Variants in COL23A1 observed in about 807,000 individuals in gnomAD.
COL23A1 encodes collagen type XXIII alpha 1 chain.
A neutral mutation model predicts 99.3 loss-of-function variants in COL23A1; 97 were observed. That is an observed-to-expected ratio of 0.98 (90% CI 0.83 to 1.16). COL23A1 has a LOEUF of 1.16. Ranked by LOEUF, COL23A1 falls within the 50% of genes most tolerant of loss-of-function variation. The pLI is 0.00. For missense variants in COL23A1, 762 were observed against 757.4 expected, an observed-to-expected ratio of 1.01 and a Z score of -0.07; for synonymous variants, 320 against 308.2, an observed-to-expected ratio of 1.04 and a Z score of -0.40.
At chr5:178,546,247 G>A (rs1414593492) in intron 2 of COL23A1, among the ~76,000 whole-genome samples, 1 of 152,108 alleles carries the variant, frequency 6.6e-6, no homozygotes, top group East Asian at 1.9e-4. Context: ...TTCCCGAGGT[G>A]GGGGTATCAC....
chr5:178,355,056 CAA>C (rs57506588), intron 2 of COL23A1, among the ~76,000 whole-genome samples: 8 of 117,442 alleles, frequency 6.8e-5, no homozygotes, highest in Admixed American at 8.5e-5. Flanking sequence ...GACTTTGTCT[CAA>C]AAAAAAAAAA....
intron 2 of COL23A1, among the ~76,000 whole-genome samples, chr5:178,359,607 G>A (rs1762069551): frequency 6.6e-6 from 1 of 152,174 alleles, no homozygotes; most frequent in African/African-American, 2.4e-5. Context: ...TCCTTGTCTG[G>A]TTAAATAAAA....
In COL23A1 at chr5:178,256,393, T is replaced by A. The variant is rs1561795341; in HGVS notation, c.842A>T (p.Glu281Val). The A allele has an allele frequency of 3.1e-6, 5 of 1,605,522 alleles. No homozygotes were observed. Among genetic ancestry groups the A allele is most frequent in the Non-Finnish European group, 4.3e-6 (5 of 1,175,482 alleles). ...TCCATCCGTGCCTCGGTGGCCAGGC[T>A]CCCCCTGTGGAGACATGCATTTGCA... ...GVDGAPGPKG[E>V]PGHRGTDGAA... The change falls in exon 15 of 29, where the codon GAG becomes GTG. Residue 281 changes from glutamate to valine, a missense_variant. By Grantham distance (121) the Glu-to-Val change is moderately radical. Transcript: ENST00000390654.
intron 2 of COL23A1, among the ~76,000 whole-genome samples, chr5:178,482,444 G>A (rs1198005994): frequency 6.6e-6 from 1 of 152,172 alleles, no homozygotes; most frequent in South Asian, 2.1e-4. Context: ...AACGGGGGCG[G>A]GGCAAAGAGG....
intron 2 of COL23A1, among the ~76,000 whole-genome samples, chr5:178,338,876 C>T (rs1760500457): frequency 6.6e-6 from 1 of 152,190 alleles, no homozygotes; most frequent in African/African-American, 2.4e-5. Flanking sequence ...TACATGTAAA[C>T]CCGATGAGAC....
rs1438982098 is a variant in COL23A1 at position 178,255,321 on chromosome 5, G to A, written c.883-295C>T. On this transcript the variant is annotated intron_variant, in intron 15 of 28. Coordinates refer to ENST00000390654, the MANE Select transcript of COL23A1 (RefSeq NM_173465.4). The surrounding 1 kb of genome is among the most constrained non-coding windows in gnomAD (Gnocchi z 4.2). Reference sequence around the variant, plus strand: ...ATGGAAAGCCTGATTTTGATGTGACGCTCTTCAGATTTTTCAATGTTGGCA... The same window carrying A: ...ATGGAAAGCCTGATTTTGATGTGACACTCTTCAGATTTTTCAATGTTGGCA... Among the ~76,000 whole-genome samples the A allele has an allele frequency of 1.3e-5, 2 of 152,296 alleles. No homozygotes were observed. Among genetic ancestry groups the A allele is most frequent in the East Asian group, 1.9e-4 (1 of 5,176 alleles).
chr5:178,266,165 C>T (rs1299217678), intron 8 of COL23A1, among the ~76,000 whole-genome samples: 2 of 152,056 alleles, frequency 1.3e-5, no homozygotes, highest in African/African-American at 2.4e-5. Flanking sequence ...CTCAGCCTCT[C>T]GAGTAGCTGG....
chr5:178,523,153 T>TAC, intron 2 of COL23A1, among the ~76,000 whole-genome samples: 1 of 93,740 alleles, frequency 1.1e-5, no homozygotes, highest in African/African-American at 3.4e-5. Context: ...AATATATATA[T>TAC]ATATATATAC....
chr5:178,481,741 G>C (rs895062351), intron 2 of COL23A1, among the ~76,000 whole-genome samples: 4 of 151,920 alleles, frequency 2.6e-5, no homozygotes, highest in Admixed American at 2.6e-4. Context: ...TGAGAATTCG[G>C]GGAAGTTGGT....
intron 2 of COL23A1, among the ~76,000 whole-genome samples, chr5:178,341,939 A>G (rs1760691952): frequency 6.6e-6 from 1 of 151,676 alleles, no homozygotes; most frequent in Non-Finnish European, 1.5e-5. Context: ...CCTCGCTCTC[A>G]CCCGGCACTG....
intron 26 of COL23A1, 102 bp downstream of exon 26, chr5:178,242,239 T>A: frequency 6.7e-7 from 1 of 1,482,416 alleles, no homozygotes; most frequent in Non-Finnish European, 9.2e-7. Flanking sequence ...TCCGCCCACC[T>A]GCCCGGCCTG....
intron 2 of COL23A1, among the ~76,000 whole-genome samples, chr5:178,490,550 C>T (rs560981468): frequency 2.0e-4 from 30 of 151,970 alleles, no homozygotes; most frequent in African/African-American, 7.0e-4. Flanking sequence ...TGTGACTGTA[C>T]TTAATGCCAC....
chr5:178,321,626 A>G (rs1364082051), intron 2 of COL23A1, among the ~76,000 whole-genome samples: 4 of 150,552 alleles, frequency 2.7e-5, no homozygotes, highest in Non-Finnish European at 5.9e-5. Flanking sequence ...AGTAGCTGGG[A>G]CTACAGGCAC....
chr5:178,246,456 G>A lies in COL23A1; in HGVS notation c.1297-3C>T. 1 of 1,562,038 alleles carries A rather than the reference G, an allele frequency of 6.4e-7. No individual in the cohort carries two copies. Among genetic ancestry groups the A allele is most frequent in the Admixed American group, 1.9e-5 (1 of 52,242 alleles). On this transcript the variant is annotated splice_region_variant and splice_polypyrimidine_tract_variant and intron_variant, in intron 22 of 28. Transcript: ENST00000390654. ...TCTCCCTTTGCTCCATCCAAGCCCT[G>A]GAGGCAAAGGAGGGAAATCAGTCAA...
intron 2 of COL23A1, among the ~76,000 whole-genome samples, chr5:178,438,098 T>A (rs917240100): frequency 6.6e-6 from 1 of 152,270 alleles, no homozygotes; most frequent in Admixed American, 6.5e-5. Context: ...CTGTGGCACC[T>A]GTCCCCATCC....
At chr5:178,555,170 C>G (rs911108735) in intron 2 of COL23A1, among the ~76,000 whole-genome samples, 3 of 152,202 alleles carry the variant, frequency 2.0e-5, no homozygotes, top group African/African-American at 7.2e-5. Flanking sequence ...GTCCAAATCT[C>G]CTTTTATTAC....
intron 2 of COL23A1, among the ~76,000 whole-genome samples, chr5:178,330,383 G>A (rs758916614): frequency 9.2e-5 from 14 of 152,184 alleles, no homozygotes; most frequent in African/African-American, 1.7e-4. Context: ...ATGGCTGAGC[G>A]CTGTGGCCCA....
In COL23A1 at chr5:178,531,610, G is replaced by T. The variant is rs554788732; in HGVS notation, c.361+29072C>A. Reference sequence around the variant, plus strand: ...TGTTTAAGTTAGGGATTCTGTTCTCGGCAGCCAAATGCAAGCCCAACGGAT... The same window carrying T: ...TGTTTAAGTTAGGGATTCTGTTCTCTGCAGCCAAATGCAAGCCCAACGGAT... On this transcript the variant is annotated intron_variant, in intron 2 of 28. Transcript: ENST00000390654. Among the ~76,000 whole-genome samples the T allele has an allele frequency of 2.0e-5, 3 of 152,264 alleles. No homozygotes were observed. The South Asian group carries it at 6.2e-4, about 32-fold the overall frequency.
intron 2 of COL23A1, among the ~76,000 whole-genome samples, chr5:178,460,400 C>A (rs964823051): frequency 6.6e-6 from 1 of 152,054 alleles, no homozygotes; most frequent in South Asian, 2.1e-4. Flanking sequence ...CGAGACAGGG[C>A]AGTGCCAGGT....
Sources: gnomAD v4.1 joint callset for allele counts (sites outside exome capture counted in the v4.1 genomes callset) on GRCh38, gnomAD v4.1.1 for gene constraint, Gnocchi (gnomAD v3.1) non-coding constraint, MANE v1.5 for transcripts, NCBI Gene and HGNC (gene_info 2026-07-23, HGNC 2026-07-21) for gene names.